The following OSBPL1A variants were observed in gnomAD, a reference collection of about 807,000 sequenced individuals.
OSBPL1A encodes the protein oxysterol-binding protein-related protein 1.
OSBPL1A carries 80 observed loss-of-function variants against 137.1 expected under a neutral mutation model. The ratio of observed to expected loss-of-function variants is 0.58; its 90% CI spans 0.49 to 0.70. The LOEUF (loss-of-function observed/expected upper bound fraction) is 0.70. Ranked by LOEUF, OSBPL1A falls within the 30% of genes least tolerant of loss-of-function variation. The probability of loss-of-function intolerance (pLI) is 0.00; values close to 1 mark genes in which losing one functional copy is unlikely to be tolerated. For missense variants in OSBPL1A, 970 were observed against 1,129.4 expected, an observed-to-expected ratio of 0.86 and a Z score of 2.02; for synonymous variants, 365 against 389.7, an observed-to-expected ratio of 0.94 and a Z score of 0.75.
intron 18 of OSBPL1A, among the ~76,000 whole-genome samples, chr18:24,189,996 G>C (rs2086846878): frequency 6.6e-6 from 1 of 152,234 alleles, no homozygotes; most frequent in East Asian, 1.9e-4. Context: ...GAGAAAACGT[G>C]GAGAAGAAGG....
chr18:24,319,683 A>AAAAC (rs55760510), intron 7 of OSBPL1A, among the ~76,000 whole-genome samples: 20,465 of 152,046 alleles, frequency 0.13, 1,443 homozygotes, highest in Middle Eastern at 0.16. Context: ...AAAAGGTAAA[A>AAAAC]AAACAAACAA....
chr18:24,173,871 C>T (rs1423250506), intron 21 of OSBPL1A, among the ~76,000 whole-genome samples: 1 of 152,228 alleles, frequency 6.6e-6, no homozygotes. Context: ...GTTCATACTT[C>T]TCCTGGTAGT....
At chr18:24,283,291 T>C (rs1391170139) in intron 14 of OSBPL1A, among the ~76,000 whole-genome samples, 1 of 114,990 alleles carries the variant, frequency 8.7e-6, no homozygotes, top group Non-Finnish European at 1.9e-5. Flanking sequence ...AATATATATA[T>C]ATATATATAT....
chr18:24,337,369 A>ATAAC, intron 5 of OSBPL1A, among the ~76,000 whole-genome samples: 1 of 144,470 alleles, frequency 6.9e-6, no homozygotes, highest in African/African-American at 2.7e-5. Flanking sequence ...TAATATAAAC[A>ATAAC]TAACATTAAC....
At chr18:24,252,674 C>T (rs1221790544) in intron 15 of OSBPL1A, among the ~76,000 whole-genome samples, 2 of 152,020 alleles carry the variant, frequency 1.3e-5, no homozygotes, top group Admixed American at 6.6e-5. Flanking sequence ...CAGAAAAACA[C>T]GGAATATCAA....
chr18:24,297,991 G>A (rs1328659809), intron 14 of OSBPL1A, among the ~76,000 whole-genome samples: 4 of 152,158 alleles, frequency 2.6e-5, no homozygotes, highest in Non-Finnish European at 4.4e-5. Context: ...CTAAATCACA[G>A]GATAAGATAG....
At chr18:24,181,837 A>C (rs2086613110) in intron 18 of OSBPL1A, among the ~76,000 whole-genome samples, 1 of 152,016 alleles carries the variant, frequency 6.6e-6, no homozygotes, top group Non-Finnish European at 1.5e-5. Flanking sequence ...CTCAAAGAAC[A>C]CCTTATAAAA....
intron 16 of OSBPL1A, among the ~76,000 whole-genome samples, chr18:24,234,760 A>C (rs778664957): frequency 1.6e-4 from 25 of 152,262 alleles, no homozygotes; most frequent in Non-Finnish European, 4.4e-5. Flanking sequence ...CATTTAGTGA[A>C]AATATTTTTT....
At chr18:24,285,103 G>A (rs141518684) in intron 14 of OSBPL1A, among the ~76,000 whole-genome samples, 72 of 152,308 alleles carry the variant, frequency 4.7e-4, no homozygotes, top group African/African-American at 1.7e-3. Flanking sequence ...GGACATGACA[G>A]CAGCTGCTCC....
At chr18:24,168,251 G>A (rs1283674883) in intron 24 of OSBPL1A, among the ~76,000 whole-genome samples, 1 of 152,084 alleles carries the variant, frequency 6.6e-6, no homozygotes, top group Admixed American at 6.5e-5. Context: ...TATCTACTAA[G>A]GAACTACTGG....
intron 17 of OSBPL1A, among the ~76,000 whole-genome samples, chr18:24,216,215 T>C (rs974864815): frequency 6.6e-6 from 1 of 152,118 alleles, no homozygotes; most frequent in Non-Finnish European, 1.5e-5. Flanking sequence ...CTCAATAAAA[T>C]GAAAAACTGG....
At chr18:24,292,041 C>T (rs564777217) in intron 14 of OSBPL1A, among the ~76,000 whole-genome samples, 5 of 152,150 alleles carry the variant, frequency 3.3e-5, no homozygotes, top group African/African-American at 9.6e-5. Context: ...GCCAAGATTG[C>T]GCCACTGTAC....
At chr18:24,190,095 A>G (rs4800179) in intron 18 of OSBPL1A, among the ~76,000 whole-genome samples, 138,929 of 152,238 alleles carry the variant, frequency 0.91, 63,446 homozygotes, top group East Asian at 1. Context: ...TTCAGAGCTG[A>G]GAGGTGGCGT....
intron 4 of OSBPL1A, among the ~76,000 whole-genome samples, chr18:24,346,360 C>A: frequency 6.6e-6 from 1 of 152,184 alleles, no homozygotes; most frequent in East Asian, 1.9e-4. Flanking sequence ...TAAAAGTGCA[C>A]AATTCTGTGG....
At chr18:24,376,131 A>C (rs1906111895) in intron 2 of OSBPL1A, among the ~76,000 whole-genome samples, 2 of 152,220 alleles carry the variant, frequency 1.3e-5, no homozygotes, top group Admixed American at 1.3e-4. Context: ...GCGAGTTGCC[A>C]CTGCTGGCTC....
chr18:24,192,579 A>G (rs1025422266), intron 18 of OSBPL1A, among the ~76,000 whole-genome samples: 1 of 152,250 alleles, frequency 6.6e-6, no homozygotes, highest in Non-Finnish European at 1.5e-5. Context: ...GGATGTCATC[A>G]GTATTGGAAA....
intron 15 of OSBPL1A, among the ~76,000 whole-genome samples, chr18:24,254,646 C>T (rs533971718): frequency 5.3e-5 from 8 of 151,636 alleles, no homozygotes; most frequent in African/African-American, 1.7e-4. Context: ...ATAAGAGAAA[C>T]ACAACACACC....
intron 1 of OSBPL1A, among the ~76,000 whole-genome samples, chr18:24,386,006 A>T (rs554744455): frequency 3.9e-5 from 6 of 152,276 alleles, no homozygotes; most frequent in Admixed American, 3.9e-4. Context: ...GGCAGGAAAG[A>T]CGGCAAGGAT....
At chr18:24,193,850 G>A (rs909480714) in intron 18 of OSBPL1A, among the ~76,000 whole-genome samples, 10 of 152,174 alleles carry the variant, frequency 6.6e-5, no homozygotes, top group African/African-American at 7.2e-5. Flanking sequence ...TTTATTTGTT[G>A]TATTTTATTT....
Sources: gnomAD v4.1 joint callset for allele counts (sites outside exome capture counted in the v4.1 genomes callset) on GRCh38, gnomAD v4.1.1 for gene constraint, MANE v1.5 for transcripts, NCBI Gene and HGNC (gene_info 2026-07-23, HGNC 2026-07-21) for gene names.